Variants in RSPH14 observed in about 807,000 individuals in gnomAD.
The protein encoded by RSPH14 is rhabdoid tumor deletion region gene 1.
A neutral mutation model predicts 26.7 loss-of-function variants in RSPH14; 20 were observed. The ratio of observed to expected loss-of-function variants is 0.75; its 90% CI spans 0.53 to 1.09. The LOEUF is 1.09. RSPH14 is among the 50% of genes least tolerant of loss of function. RSPH14 has a pLI of 0.00. For synonymous variants in RSPH14, 177 were observed against 189.3 expected, an observed-to-expected ratio of 0.93 and a Z score of 0.53; for missense variants, 449 against 457.2, an observed-to-expected ratio of 0.98 and a Z score of 0.16.
intron 4 of RSPH14, 154 bp downstream of exon 4, chr22:23,133,872 G>T: frequency 1.8e-6 from 1 of 570,176 alleles, no homozygotes; most frequent in East Asian, 4.0e-5. Flanking sequence ...ACAGGTGTGA[G>T]CCACCACACC....
the RSPH14 span, among the ~76,000 whole-genome samples, chr22:23,171,445 T>C: frequency 6.6e-6 from 1 of 152,208 alleles, no homozygotes; most frequent in East Asian, 1.9e-4. Flanking sequence ...CTGGAGTAGC[T>C]GGAACTACAA....
At chr22:23,127,428 T>C (rs1301429946) in intron 4 of RSPH14, among the ~76,000 whole-genome samples, 2 of 152,198 alleles carry the variant, frequency 1.3e-5, no homozygotes, top group Non-Finnish European at 2.9e-5. Context: ...TGGTGCACCC[T>C]GCCCTGAGGG....
chr22:23,145,615 G>A, upstream of RSPH14: 1 of 1,520,028 alleles, frequency 6.6e-7, no homozygotes, highest in Non-Finnish European at 8.9e-7. Context: ...GGCACATCCC[G>A]AGGCCAGGGC....
chr22:23,146,692 A>T, upstream of RSPH14: 1 of 1,613,504 alleles, frequency 6.2e-7, no homozygotes. Flanking sequence ...TAAGGTAGAG[A>T]GTCATTACGT....
chr22:23,140,141 C>A (rs2070563572), intron 2 of RSPH14, 81 bp downstream of exon 2: 2 of 1,560,768 alleles, frequency 1.3e-6, no homozygotes, highest in Middle Eastern at 2.3e-4. Context: ...ACAATAGCAA[C>A]CCTTATTACT....
chr22:23,172,137 AT>A, the RSPH14 span, among the ~76,000 whole-genome samples: 6 of 152,320 alleles, frequency 3.9e-5, no homozygotes, highest in South Asian at 1.2e-3. Flanking sequence ...ACTTAGCATA[AT>A]GTTTTCAAGG....
chr22:23,145,440 G>C, upstream of RSPH14: 1 of 1,610,748 alleles, frequency 6.2e-7, no homozygotes, highest in Non-Finnish European at 8.5e-7. Context: ...CCACGACGTC[G>C]ACGATTCGTG....
upstream of RSPH14, chr22:23,145,218 AGGCTCC>A (rs575195147): frequency 1.2e-3 from 929 of 767,802 alleles, 9 homozygotes; most frequent in African/African-American, 0.015. Context: ...CCCAGGGCTC[AGGCTCC>A]GCCCCCGGGC....
At chr22:23,082,115 ACTCCGCCTC>A (rs2068697768) in intron 4 of RSPH14, among the ~76,000 whole-genome samples, 1 of 136,586 alleles carries the variant, frequency 7.3e-6, no homozygotes, top group African/African-American at 2.9e-5. Flanking sequence ...ACAGAGCAAG[ACTCCGCCTC>A]AAAAAAAAAA....
chr22:23,172,766 C>T, the RSPH14 span, among the ~76,000 whole-genome samples: 8 of 150,922 alleles, frequency 5.3e-5, no homozygotes, highest in South Asian at 6.3e-4. Flanking sequence ...CTGGCTAACA[C>T]GGTGAAACCC....
chr22:23,135,871 T>C (rs1409956677), intron 3 of RSPH14: 1 of 152,332 alleles, frequency 6.6e-6, no homozygotes, highest in African/African-American at 2.4e-5. Flanking sequence ...AGGTCACGTC[T>C]CTGAGGGCTG....
At position 23,071,264 on chromosome 22, in the gene RSPH14, C is replaced by A. The variant is rs1328093821; in HGVS notation, c.422-7131G>T. On this transcript the variant is annotated intron_variant, in intron 4 of 6. Transcript: ENST00000216036. The surrounding 1 kb of genome is among the most constrained non-coding windows in gnomAD (Gnocchi z 4.1). ...CTCAGGGCTGGCGCTCCGTATCCTG[C>A]GGGCGATCCGAGGGGGCTCTGCCTT... Among the ~76,000 whole-genome samples the A allele has an allele frequency of 6.6e-6, 1 of 152,108 alleles. No homozygotes were observed. Among genetic ancestry groups the A allele is most frequent in the Non-Finnish European group, 1.5e-5 (1 of 68,020 alleles).
At position 23,138,946 on chromosome 22, in the gene RSPH14, GAAAAA is replaced by G; in HGVS notation, c.200-9_200-5del. 7.2e-7 allele frequency: 1 copy of G among 1,380,156 alleles called. No homozygotes were observed. The highest frequency in any genetic ancestry group is 1.6e-5 in the African/African-American group (1 of 63,940). The allele number at this position is 1,380,156 out of a possible 1,614,324, so 85.5% of individuals were successfully genotyped here. ...GCTTTCAGGTTCTCCATACAGCCTA[GAAAAA>G]AAAAAAAAAACAAACAAACCAACCC... On this transcript the variant is annotated splice_region_variant and splice_polypyrimidine_tract_variant and intron_variant, in intron 2 of 6. Transcript: ENST00000216036.
Position 23,118,022 on chromosome 22 carries a change from C to T in RSPH14, c.421+16004G>A, listed in dbSNP as rs188663771. The stretch of plus-strand genomic sequence containing the variant: ...ACGTTCAGGGGAAATACCCCAGACC[C>T]GCAGGCCAGCAAGCTGGAAGCCCCT... On this transcript the variant is annotated intron_variant, in intron 4 of 6. Coordinates refer to ENST00000216036, the MANE Select transcript of RSPH14 (RefSeq NM_014433.3). Among the ~76,000 whole-genome samples, 446 of 152,344 alleles carry T rather than the reference C, an allele frequency of 2.9e-3. 1 individual carries two copies. The highest frequency in any genetic ancestry group is 6.6e-3 in the South Asian group (32 of 4,828).
chr22:23,088,262 C>T (rs963389481), intron 4 of RSPH14, among the ~76,000 whole-genome samples: 5 of 152,218 alleles, frequency 3.3e-5, no homozygotes, highest in African/African-American at 9.6e-5. Context: ...TACCCCAGTG[C>T]GTTTCCTCCT....
intron 4 of RSPH14, among the ~76,000 whole-genome samples, chr22:23,127,262 C>G (rs944646843): frequency 6.6e-6 from 1 of 152,198 alleles, no homozygotes; most frequent in Non-Finnish European, 1.5e-5. Flanking sequence ...GATGAGCTCA[C>G]CTCACCCAGA....
At chr22:23,082,907 C>T (rs1412012461) in intron 4 of RSPH14, among the ~76,000 whole-genome samples, 1 of 152,108 alleles carries the variant, frequency 6.6e-6, no homozygotes, top group Non-Finnish European at 1.5e-5. Flanking sequence ...TCCCCCCAAA[C>T]CTTGCCCCCA....
At chr22:23,145,269 A>ACCC, upstream of RSPH14, 6 of 544,478 alleles carry the variant, frequency 1.1e-5, no homozygotes, top group Non-Finnish European at 1.8e-5. Context: ...CCCATCCAGC[A>ACCC]CCGCCCTTGT....
At chr22:23,060,549 A>G (rs921340226) in intron 6 of RSPH14, among the ~76,000 whole-genome samples, 13 of 151,726 alleles carry the variant, frequency 8.6e-5, no homozygotes, top group African/African-American at 1.5e-4. Context: ...CAAAACACAC[A>G]TGGTTCCTGA....
Sources: gnomAD v4.1 joint callset for allele counts (sites outside exome capture counted in the v4.1 genomes callset) on GRCh38, gnomAD v4.1.1 for gene constraint, Gnocchi (gnomAD v3.1) non-coding constraint, MANE v1.5 for transcripts, NCBI Gene and HGNC (gene_info 2026-07-23, HGNC 2026-07-21) for gene names.